The following XPO6 variants were observed in gnomAD, a reference collection of about 807,000 sequenced individuals.
XPO6 encodes exportin 6.
XPO6 carries 3 observed loss-of-function variants against 130.0 expected under a neutral mutation model. The ratio of observed to expected loss-of-function variants is 0.02; its 90% CI spans 0.01 to 0.06. The LOEUF is 0.06. Ranked by LOEUF, XPO6 falls within the 10% of genes least tolerant of loss-of-function variation. The probability of loss-of-function intolerance (pLI) is 1.00; values close to 1 mark genes in which losing one functional copy is unlikely to be tolerated. For synonymous variants in XPO6, 524 were observed against 548.9 expected, an observed-to-expected ratio of 0.95 and a Z score of 0.63; for missense variants, 970 against 1,393.0, an observed-to-expected ratio of 0.70 and a Z score of 4.83.
chr16:28,182,830 C>T (rs373622659), intron 1 of XPO6, among the ~76,000 whole-genome samples: 38 of 152,170 alleles, frequency 2.5e-4, no homozygotes, highest in African/African-American at 8.9e-4. Context: ...AATGAGTGTA[C>T]ATAATAAAAG....
chr16:28,195,001 C>A (rs2043836958), intron 1 of XPO6, among the ~76,000 whole-genome samples: 2 of 151,002 alleles, frequency 1.3e-5, no homozygotes, highest in African/African-American at 4.9e-5. Flanking sequence ...AAAAGGTCCC[C>A]AACTCTGTGA....
At chr16:28,140,719 C>A (rs2042876323) in intron 9 of XPO6, among the ~76,000 whole-genome samples, 1 of 150,550 alleles carries the variant, frequency 6.6e-6, no homozygotes, top group Non-Finnish European at 1.5e-5. Context: ...AAAGCTAAAG[C>A]AGGGCTTAGA....
At position 28,158,924 on chromosome 16, in the gene XPO6, A is replaced by T. The variant is rs2043226824; in HGVS notation, c.644-2397T>A. Among the ~76,000 whole-genome samples the T allele has an allele frequency of 2.0e-5, 3 of 152,330 alleles. 1 individual carries two copies. The highest frequency in any genetic ancestry group is 4.1e-4 in the South Asian group (2 of 4,824). ...TTATTTTAGAGAAGACAAAAGAAGA[A>T]AAATATTTAAAACTATAACAACAGG... On this transcript the variant is annotated intron_variant, in intron 6 of 23. Coordinates refer to ENST00000304658, the MANE Select transcript of XPO6 (RefSeq NM_015171.4).
chr16:28,153,014 G>A, intron 7 of XPO6: 1 of 1,170,962 alleles, frequency 8.5e-7, no homozygotes, highest in South Asian at 2.3e-5. Flanking sequence ...TGTCTGCTAA[G>A]GCTTCTTATA....
At chr16:28,139,442 G>A (rs567032290) in intron 9 of XPO6, among the ~76,000 whole-genome samples, 7 of 152,264 alleles carry the variant, frequency 4.6e-5, no homozygotes, top group African/African-American at 1.7e-4. Context: ...AACAATATGA[G>A]AAAGAAACCT....
chr16:28,139,157 C>T (rs1333294231), intron 9 of XPO6, among the ~76,000 whole-genome samples: 1 of 152,162 alleles, frequency 6.6e-6, no homozygotes, highest in Non-Finnish European at 1.5e-5. Context: ...AGAGTAGGGC[C>T]TTAATCCAAT....
intron 8 of XPO6, among the ~76,000 whole-genome samples, chr16:28,151,605 G>A (rs1373475356): frequency 2.0e-5 from 3 of 152,256 alleles, no homozygotes; most frequent in African/African-American, 4.8e-5. Context: ...CCTGGTTGCT[G>A]GCAACAATGT....
intron 1 of XPO6, among the ~76,000 whole-genome samples, chr16:28,210,999 C>G (rs1265676293): frequency 6.6e-6 from 1 of 152,236 alleles, no homozygotes; most frequent in Non-Finnish European, 1.5e-5. Flanking sequence ...TCCCCACTTC[C>G]GAACAGAGGG....
intron 12 of XPO6, among the ~76,000 whole-genome samples, chr16:28,130,467 A>C (rs2042644279): frequency 6.6e-6 from 1 of 152,224 alleles, no homozygotes; most frequent in Non-Finnish European, 1.5e-5. Context: ...TATGGGAACC[A>C]GGGGAAAAAA....
Position 28,125,677 on chromosome 16 carries a change from C to A in XPO6, c.1766+12G>T, listed in dbSNP as rs763456551. The A allele has an allele frequency of 1.2e-5, 20 of 1,611,892 alleles. No individual in the cohort carries two copies. The highest frequency in any genetic ancestry group is 2.7e-5 in the African/African-American group (2 of 74,904). ...AAGAAGGAACAGCTCCATAAGGTAA[C>A]TGCCAGCCTACCTTTCCACGACTGT... On this transcript the variant is annotated intron_variant, in intron 13 of 23. Coordinates refer to ENST00000304658, the MANE Select transcript of XPO6 (RefSeq NM_015171.4).
intron 1 of XPO6, among the ~76,000 whole-genome samples, chr16:28,187,175 C>G (rs1380386818): frequency 2.0e-5 from 3 of 152,150 alleles, no homozygotes; most frequent in Non-Finnish European, 4.4e-5. Context: ...CAATGTCACT[C>G]GCCATAGGAA....
chr16:28,186,371 A>ATTTTTTTTTTTTTTTTTTTTTT (rs1237138991), intron 1 of XPO6, among the ~76,000 whole-genome samples: 6 of 10,122 alleles, frequency 5.9e-4, no homozygotes, highest in African/African-American at 1.2e-3. Context: ...TGCCCCAGTT[A>ATTTTTTTTTTTTTTTTTTTTTT]TTCTTTTTTT....
intron 9 of XPO6, among the ~76,000 whole-genome samples, chr16:28,138,251 A>G (rs976447992): frequency 3.9e-5 from 6 of 152,216 alleles, no homozygotes; most frequent in African/African-American, 1.4e-4. Context: ...TTCTAAAGTT[A>G]CAGAAGTTCC....
Position 28,156,318 on chromosome 16 carries a change from G to A in XPO6, c.853C>T (p.Arg285Trp), listed in dbSNP as rs367627786. The A allele has an allele frequency of 1.2e-5, 20 of 1,614,060 alleles. No individual in the cohort carries two copies. Among genetic ancestry groups the A allele is most frequent in the Middle Eastern group, 1.6e-4 (1 of 6,062 alleles). The change falls in exon 7 of 24, where the codon CGG becomes TGG. Residue 285 changes from arginine to tryptophan, a missense_variant. By Grantham distance (101) the Arg-to-Trp change is moderately radical. Coordinates refer to ENST00000304658, the MANE Select transcript of XPO6 (RefSeq NM_015171.4). ...FHFARFGCDIRARKMASVNGS... is the reference protein window; with the variant it reads ...FHFARFGCDIWARKMASVNGS... Reference sequence around the variant, plus strand: ...TTAACTGACGCCATCTTTCTGGCCCGGATGTCACAGCCAAATCGTGCAAAG... The same window carrying A: ...TTAACTGACGCCATCTTTCTGGCCCAGATGTCACAGCCAAATCGTGCAAAG...
rs141197002 is a variant in XPO6, at chr16:28,181,152, A to G, written c.4-121T>C. Reference sequence around the variant, plus strand: ...TACTTCCTCAAAATCTTGGTTCAACATTCTTCAAATGCATGGTATATGCCA... The same window carrying G: ...TACTTCCTCAAAATCTTGGTTCAACGTTCTTCAAATGCATGGTATATGCCA... On this transcript the variant is annotated intron_variant, in intron 1 of 23. Coordinates refer to ENST00000304658, the MANE Select transcript of XPO6 (RefSeq NM_015171.4). 1.9e-4 allele frequency: 133 copies of G among 700,726 alleles called. No individual in the cohort carries two copies. In the African/African-American group the frequency reaches 2.1e-3, roughly 11 times the overall value. The allele number at this position is 700,726 out of a possible 1,614,324, so 43.4% of individuals were successfully genotyped here.
chr16:28,200,576 A>G (rs931174827), intron 1 of XPO6, among the ~76,000 whole-genome samples: 1 of 152,076 alleles, frequency 6.6e-6, no homozygotes, highest in Non-Finnish European at 1.5e-5. Flanking sequence ...AGCCTGAGCA[A>G]CAGGTAAAGA....
At chr16:28,174,372 T>A (rs1444163482) in intron 4 of XPO6, among the ~76,000 whole-genome samples, 1 of 152,150 alleles carries the variant, frequency 6.6e-6, no homozygotes, top group Non-Finnish European at 1.5e-5. Context: ...TCTTTCCCCT[T>A]CCCTGGATTG....
At chr16:28,110,886 A>T (rs2141246303) in intron 17 of XPO6, among the ~76,000 whole-genome samples, 1 of 152,374 alleles carries the variant, frequency 6.6e-6, no homozygotes, top group African/African-American at 2.4e-5. Context: ...CCAAGGCAAG[A>T]GCCTAGTACA....
Position 28,101,545 on chromosome 16 carries a change from G to A in XPO6, c.3189C>T (p.Ala1063=), listed in dbSNP as rs755537974. Residue 1063 remains alanine (A), a synonymous_variant, in exon 23 of 24, where the codon GCC becomes GCT. Coordinates refer to ENST00000304658, the MANE Select transcript of XPO6 (RefSeq NM_015171.4). This position sits in a 1 kb window ranked among gnomAD's most constrained non-coding sequence, Gnocchi z 5.4. ...TGGTCAGGAACTCTGGGAGGAAGGCGGCAAAGAAGCCATCAAAGTCGACTG... is the reference window on the plus strand; with the variant it reads ...TGGTCAGGAACTCTGGGAGGAAGGCAGCAAAGAAGCCATCAAAGTCGACTG... The part of the protein sequence containing the change: ...MASVDFDGFF[A]AFLPEFLTSC... 1.7e-5 allele frequency: 28 copies of A among 1,614,120 alleles called. No individual in the cohort carries two copies. The highest frequency in any genetic ancestry group is 3.3e-5 in the South Asian group (3 of 91,092).
Sources: allele counts gnomAD v4.1 joint callset (sites outside exome capture counted in the v4.1 genomes callset), GRCh38; gene constraint gnomAD v4.1.1; non-coding constraint Gnocchi (gnomAD v3.1); transcripts MANE v1.5; gene names NCBI Gene and HGNC (gene_info 2026-07-23, HGNC 2026-07-21).